RIMS1: variants seen among roughly 807,000 people sequenced by gnomAD.
RIMS1 encodes regulating synaptic membrane exocytosis protein 1.
RIMS1 carries 83 observed loss-of-function variants against 214.1 expected under a neutral mutation model. The observed-to-expected ratio is 0.39, with a 90% confidence interval of 0.32 to 0.47. The LOEUF (loss-of-function observed/expected upper bound fraction) is 0.47. Ranked by LOEUF, RIMS1 falls within the 20% of genes least tolerant of loss-of-function variation. RIMS1 has a pLI of 0.99. For missense variants in RIMS1, 2,050 were observed against 2,161.8 expected, an observed-to-expected ratio of 0.95 and a Z score of 1.03; for synonymous variants, 793 against 786.8, an observed-to-expected ratio of 1.01 and a Z score of -0.13.
Position 71,927,944 on chromosome 6 carries a change from G to T in RIMS1, c.164+40757G>T, listed in dbSNP as rs574720507. On this transcript the variant is annotated intron_variant, in intron 1 of 33. Transcript: ENST00000521978. ...CAGTTATTTTATGGTTGAAATCATG[G>T]AAGAGTCTTCATATTTTTCATAAGC... is the stretch of plus-strand genomic sequence containing the variant. Among the ~76,000 whole-genome samples the T allele has an allele frequency of 2.6e-4, 39 of 152,206 alleles. 1 individual carries two copies. In the South Asian group the frequency reaches 7.9e-3, roughly 31 times the overall value.
chr6:72,084,413 G>A (rs747508293), intron 2 of RIMS1, among the ~76,000 whole-genome samples: 1 of 151,988 alleles, frequency 6.6e-6, no homozygotes, highest in Non-Finnish European at 1.5e-5. Flanking sequence ...GAGATAACTT[G>A]TTTGTCAAAA....
chr6:72,141,813 GGTTCTCACCTCAGCT>G (rs1562411787), intron 4 of RIMS1, among the ~76,000 whole-genome samples: 1 of 151,882 alleles, frequency 6.6e-6, no homozygotes, highest in East Asian at 1.9e-4. Flanking sequence ...TAAAGTGGTT[GGTTCTCACCTCAGCT>G]GAGCTATTAG....
intron 4 of RIMS1, among the ~76,000 whole-genome samples, chr6:72,169,758 A>C (rs1411087324): frequency 6.6e-6 from 1 of 152,122 alleles, no homozygotes; most frequent in Non-Finnish European, 1.5e-5. Context: ...ACACAAAAAA[A>C]CAAAAATTAG....
chr6:72,147,454 A>C (rs1007926832), intron 4 of RIMS1, among the ~76,000 whole-genome samples: 11 of 152,186 alleles, frequency 7.2e-5, no homozygotes, highest in Non-Finnish European at 1.3e-4. Context: ...GACAGAAACA[A>C]ATTTTGAGAG....
chr6:72,200,112 T>A (rs996139719), intron 6 of RIMS1, among the ~76,000 whole-genome samples: 1 of 152,174 alleles, frequency 6.6e-6, no homozygotes, highest in Admixed American at 6.5e-5. Flanking sequence ...GTAACCAATT[T>A]TGGTGTCTTC....
At chr6:72,210,745 A>G (rs1229622813) in intron 6 of RIMS1, among the ~76,000 whole-genome samples, 1 of 152,220 alleles carries the variant, frequency 6.6e-6, no homozygotes, top group Admixed American at 6.5e-5. Flanking sequence ...GTCATTTATC[A>G]TACCTAAGCC....
chr6:72,233,046 G>T (rs2062620946), intron 6 of RIMS1, among the ~76,000 whole-genome samples: 1 of 151,708 alleles, frequency 6.6e-6, no homozygotes, highest in African/African-American at 2.4e-5. Context: ...TCTCATGTAG[G>T]TTACCCAATT....
chr6:72,041,417 T>C (rs1209451132), intron 2 of RIMS1, among the ~76,000 whole-genome samples: 1 of 151,934 alleles, frequency 6.6e-6, no homozygotes, highest in East Asian at 1.9e-4. Flanking sequence ...TATCAAAAGT[T>C]ATAGTTTTTA....
chr6:72,159,853 G>A lies in RIMS1; in HGVS notation c.472-19722G>A, dbSNP rs569801603. On this transcript the variant is annotated intron_variant, in intron 4 of 33. Coordinates refer to ENST00000521978, the MANE Select transcript of RIMS1 (RefSeq NM_014989.7). Reference sequence around the variant, plus strand: ...TCTCCAGCTTTGTTCTTTTGGCTAAGGATTGACTTGGCAATGCGGGCTCTT... The same window carrying A: ...TCTCCAGCTTTGTTCTTTTGGCTAAAGATTGACTTGGCAATGCGGGCTCTT... Among the ~76,000 whole-genome samples, 72 of 140,098 alleles carry A rather than the reference G, an allele frequency of 5.1e-4. 2 individuals are homozygous for A. Among genetic ancestry groups the A allele is most frequent in the African/African-American group, 1.7e-3 (71 of 40,656 alleles). The allele number at this position is 140,098 out of a possible 152,430, so 91.9% of individuals were successfully genotyped here.
intron 1 of RIMS1, among the ~76,000 whole-genome samples, chr6:71,944,371 G>C (rs1353403006): frequency 6.6e-6 from 1 of 152,200 alleles, no homozygotes; most frequent in Non-Finnish European, 1.5e-5. Flanking sequence ...TCTTGAGGTT[G>C]TAGCCTCCTA....
chr6:72,085,253 G>A (rs1461706326), intron 2 of RIMS1, among the ~76,000 whole-genome samples: 1 of 152,056 alleles, frequency 6.6e-6, no homozygotes, highest in Non-Finnish European at 1.5e-5. Context: ...TAGAACTGTA[G>A]TAATTTTCAA....
chr6:72,185,590 T>G lies in RIMS1; in HGVS notation c.1678+2441T>G, dbSNP rs561645183. Among the ~76,000 whole-genome samples, 21 of 152,332 alleles carry G rather than the reference T, an allele frequency of 1.4e-4. No homozygotes were observed. In the South Asian group the frequency reaches 3.7e-3, roughly 27 times the overall value. ...AAAGAAGCAGTGCCAGAAAACAGATTGACATTAGACAGTCTGGTAGAGGGT... is the reference window on the plus strand; with the variant it reads ...AAAGAAGCAGTGCCAGAAAACAGATGGACATTAGACAGTCTGGTAGAGGGT... On this transcript the variant is annotated intron_variant, in intron 6 of 33. Coordinates refer to ENST00000521978, the MANE Select transcript of RIMS1 (RefSeq NM_014989.7).
In RIMS1 at chr6:71,987,067, G is replaced by A. The variant is rs533293534; in HGVS notation, c.245+18004G>A. On this transcript the variant is annotated intron_variant, in intron 2 of 33. Transcript: ENST00000521978. Reference sequence around the variant, plus strand: ...TACAGAAGAAGTAAAAATAGTCAAGGAGAAATATGCAGAGTGGTTAGATTT... The same window carrying A: ...TACAGAAGAAGTAAAAATAGTCAAGAAGAAATATGCAGAGTGGTTAGATTT... Among the ~76,000 whole-genome samples the A allele has an allele frequency of 2.7e-4, 41 of 152,294 alleles. No individual in the cohort carries two copies. The South Asian group carries it at 8.3e-3, about 31-fold the overall frequency.
At chr6:72,110,251 A>G (rs1446019509) in intron 4 of RIMS1, among the ~76,000 whole-genome samples, 1 of 152,180 alleles carries the variant, frequency 6.6e-6, no homozygotes, top group African/African-American at 2.4e-5. Context: ...AGTCATTGGT[A>G]GCTTGATGGC....
At chr6:72,294,441 A>G (rs2093826954) in intron 26 of RIMS1, among the ~76,000 whole-genome samples, 1 of 151,730 alleles carries the variant, frequency 6.6e-6, no homozygotes, top group Non-Finnish European at 1.5e-5. Flanking sequence ...ATGTTTAACA[A>G]AGGGTGATTT....
rs1274051748 is a variant in RIMS1, at chr6:71,967,584, T to C, written c.165-1399T>C. Reference sequence around the variant, plus strand: ...CCTGAATGTTTTGAAGGCTGATGCATGATTGGCCTTCTCCCACCACACCGG... The same window carrying C: ...CCTGAATGTTTTGAAGGCTGATGCACGATTGGCCTTCTCCCACCACACCGG... On this transcript the variant is annotated intron_variant, in intron 1 of 33. Transcript: ENST00000521978. Among the ~76,000 whole-genome samples, 4 of 152,314 alleles carry C rather than the reference T, an allele frequency of 2.6e-5. No homozygotes were observed. The East Asian group carries it at 7.7e-4, about 29-fold the overall frequency.
At chr6:72,037,636 A>G (rs538414465) in intron 2 of RIMS1, among the ~76,000 whole-genome samples, 15 of 152,188 alleles carry the variant, frequency 9.9e-5, no homozygotes, top group African/African-American at 3.6e-4. Flanking sequence ...TACAATCAAG[A>G]TAGTAAACAT....
intron 2 of RIMS1, among the ~76,000 whole-genome samples, chr6:71,997,891 A>G (rs938958550): frequency 6.6e-6 from 1 of 152,170 alleles, no homozygotes; most frequent in African/African-American, 2.4e-5. Flanking sequence ...CTAGAGAAAA[A>G]CAAGTAAATT....
intron 1 of RIMS1, among the ~76,000 whole-genome samples, chr6:71,927,668 A>G (rs1301908646): frequency 6.6e-6 from 1 of 152,100 alleles, no homozygotes; most frequent in African/African-American, 2.4e-5. Context: ...AGGGAAATCT[A>G]TACTCCTTAA....
Sources: allele counts gnomAD v4.1 joint callset (sites outside exome capture counted in the v4.1 genomes callset), GRCh38; gene constraint gnomAD v4.1.1; transcripts MANE v1.5; gene names NCBI Gene and HGNC (gene_info 2026-07-23, HGNC 2026-07-21).